TRPM7: variants seen among roughly 807,000 people sequenced by gnomAD.
TRPM7 encodes the protein LTRPC ion channel family member 7.
A neutral mutation model predicts 229.7 loss-of-function variants in TRPM7; 134 were observed. The ratio of observed to expected loss-of-function variants is 0.58; its 90% CI spans 0.51 to 0.67. The LOEUF (loss-of-function observed/expected upper bound fraction) is 0.67, where lower values mean the gene tolerates loss of function less well. Ranked by LOEUF, TRPM7 falls within the 30% of genes least tolerant of loss-of-function variation. TRPM7 has a pLI of 0.00. For missense variants in TRPM7, 1,901 were observed against 2,210.0 expected (o/e 0.86, Z 2.80); for synonymous variants, 699 against 715.2 (o/e 0.98, Z 0.36).
chr15:50,582,193 A>C (rs1191213518), intron 29 of TRPM7, among the ~76,000 whole-genome samples: 1 of 152,066 alleles, frequency 6.6e-6, no homozygotes, highest in Non-Finnish European at 1.5e-5. Flanking sequence ...TCCTGATCTC[A>C]AGTGATCCAC....
chr15:50,684,156 G>A (rs543807238), intron 1 of TRPM7, among the ~76,000 whole-genome samples: 3 of 142,862 alleles, frequency 2.1e-5, no homozygotes, highest in South Asian at 2.2e-4. Flanking sequence ...TGATTAAGTC[G>A]TTTTTTTTTT....
At chr15:50,582,941 G>C (rs2054492758) in intron 29 of TRPM7, 148 bp downstream of exon 29, 1 of 437,196 alleles carries the variant, frequency 2.3e-6, no homozygotes, top group Non-Finnish European at 4.0e-6. Flanking sequence ...AAACTTTTCT[G>C]TAACTGCTAC....
At chr15:50,585,089 C>G (rs1432567163) in intron 28 of TRPM7, among the ~76,000 whole-genome samples, 1 of 139,060 alleles carries the variant, frequency 7.2e-6, no homozygotes, top group African/African-American at 2.8e-5. Flanking sequence ...GAGTCTCGCT[C>G]TGTCGCCCAG....
Position 50,599,194 on chromosome 15 carries a change from T to C in TRPM7, c.3091A>G (p.Thr1031Ala), listed in dbSNP as rs755429393. The change falls in exon 22 of 39, where the codon ACT becomes GCT. Residue 1031 changes from threonine to alanine, a missense_variant. Thr to Ala is a moderately conservative substitution (Grantham distance 58, BLOSUM62 0). Transcript: ENST00000646667. The stretch of plus-strand genomic sequence containing the variant: ...TGAAAAACTATATCTTTAGCAAGAG[T>C]CCAAGATGGTGCTTCATGAGGATAA... ...ILYPHEAPSWTLAKDIVFHPY... is the reference protein window; with the variant it reads ...ILYPHEAPSWALAKDIVFHPY... 3 of 1,613,334 alleles carry C rather than the reference T, an allele frequency of 1.9e-6. No individual in the cohort carries two copies. The Admixed American group carries it at 5.0e-5, about 27-fold the overall frequency.
intron 1 of TRPM7, among the ~76,000 whole-genome samples, chr15:50,685,535 T>C (rs2062337960): frequency 6.6e-6 from 1 of 152,242 alleles, no homozygotes; most frequent in Non-Finnish European, 1.5e-5. Flanking sequence ...TACATTTGTG[T>C]TATAAGTAAA....
chr15:50,675,680 T>C (rs1363234141), intron 1 of TRPM7, among the ~76,000 whole-genome samples: 1 of 152,370 alleles, frequency 6.6e-6, no homozygotes, highest in Non-Finnish European at 1.5e-5. Context: ...CCTAGTTTTA[T>C]ACACTTTGCT....
Position 50,638,549 on chromosome 15 carries a change from C to CA in TRPM7, c.660+874dup, listed in dbSNP as rs71124397. Among the ~76,000 whole-genome samples, 573 of 143,578 alleles carry CA rather than the reference C, an allele frequency of 4.0e-3. 2 individuals carry two copies. Among genetic ancestry groups the CA allele is most frequent in the Non-Finnish European group, 6.4e-3 (419 of 65,550 alleles). 94.2% of individuals were successfully genotyped at this position (143,578 alleles called of 152,430 possible). Reference sequence around the variant, plus strand: ...GGGCGACAAGAGTGAAACTCCATTTCAAAAAAAAAAGACACTGTAAAAAAC... The same window carrying CA: ...GGGCGACAAGAGTGAAACTCCATTTCAAAAAAAAAAAGACACTGTAAAAAAC... On this transcript the variant is annotated intron_variant, in intron 6 of 38. Coordinates refer to ENST00000646667, the MANE Select transcript of TRPM7 (RefSeq NM_017672.6).
In TRPM7 at chr15:50,634,518, CAA is replaced by C. The variant is rs2060831434; in HGVS notation, c.869_870del (p.Phe290Ter). 1 of 1,535,494 alleles carries C rather than the reference CAA, an allele frequency of 6.5e-7. No individual in the cohort carries two copies. Among genetic ancestry groups the C allele is most frequent in the African/African-American group, 1.4e-5 (1 of 70,178 alleles). On this transcript the variant is annotated frameshift_variant, in exon 8 of 39. Transcript: ENST00000646667. LOFTEE classifies it high-confidence loss of function. Reference sequence around the variant, plus strand: ...GTGAGGATAACATTTGGCCCACCCTCAAATATAAGTGCCACCACAGGGACACC... The same window carrying C: ...GTGAGGATAACATTTGGCCCACCCTCATATAAGTGCCACCACAGGGACACC... ...GQGVPVVALI[F>X]EGGPNVILTV...
intron 31 of TRPM7, among the ~76,000 whole-genome samples, chr15:50,577,623 A>T (rs2054198549): frequency 6.6e-6 from 1 of 152,182 alleles, no homozygotes; most frequent in South Asian, 2.1e-4. Context: ...GGGACCCCAA[A>T]CTGGTATAAC....
chr15:50,619,793 T>C lies in TRPM7; in HGVS notation c.1446A>G (p.Gln482=). Residue 482 remains glutamine, a synonymous_variant, in exon 13 of 39, where the codon CAA becomes CAG. Coordinates refer to ENST00000646667, the MANE Select transcript of TRPM7 (RefSeq NM_017672.6). ...GAAACAGCATTGGATTAGTTGGACC[T>C]TGTTTCTTTAGGGAGAAAAAGTTAC... ...PRLEELYNTK[Q]GPTNPMLFHL... The C allele has an allele frequency of 6.2e-7, 1 of 1,602,384 alleles. No individual in the cohort carries two copies. The highest frequency in any genetic ancestry group is 8.5e-7 in the Non-Finnish European group (1 of 1,176,800).
At chr15:50,656,760 T>C (rs982947993) in intron 3 of TRPM7, among the ~76,000 whole-genome samples, 3 of 152,160 alleles carry the variant, frequency 2.0e-5, no homozygotes, top group African/African-American at 7.2e-5. Flanking sequence ...TTCTTCCTCT[T>C]ATACTTCCTC....
chr15:50,652,265 G>T (rs965434246), intron 3 of TRPM7, among the ~76,000 whole-genome samples: 1 of 147,832 alleles, frequency 6.8e-6, no homozygotes, highest in South Asian at 2.2e-4. Context: ...CCTGGGAGGC[G>T]GAGATTGCAG....
Position 50,686,537 on chromosome 15 carries a change from C to T in TRPM7, c.-4G>A. 6.2e-7 allele frequency: 1 copy of T among 1,611,306 alleles called. No individual in the cohort carries two copies. Among genetic ancestry groups the T allele is most frequent in the Non-Finnish European group, 8.5e-7 (1 of 1,178,466 alleles). On this transcript the variant is annotated 5_prime_UTR_variant, in exon 1 of 39. Coordinates refer to ENST00000646667, the MANE Select transcript of TRPM7 (RefSeq NM_017672.6). Reference sequence around the variant, plus strand: ...GCCTGCGTGGGTCCAGTACCATTCTCCTCACGGGGCGGACTCCGGAAGGGC... The same window carrying T: ...GCCTGCGTGGGTCCAGTACCATTCTTCTCACGGGGCGGACTCCGGAAGGGC...
At position 50,592,395 on chromosome 15, in the gene TRPM7, A is replaced by G. The variant is rs145901516; in HGVS notation, c.3840T>C (p.Asp1280=). The stretch of plus-strand genomic sequence containing the variant: ...ATACAGAAGGTCTTACAGGACCATC[A>G]TCAATAAGGTTTTGAGCCAAGTGTT... The part of the protein sequence containing the change: ...ISKHLAQNLI[D]DGPVRPSVWK... The change falls in exon 26 of 39, where the codon GAT becomes GAC. Residue 1280 remains aspartate, a synonymous_variant. Transcript: ENST00000646667. The G allele has an allele frequency of 2.5e-6, 4 of 1,614,236 alleles. No homozygotes were observed. In the African/African-American group the frequency reaches 4.0e-5, roughly 16 times the overall value.
intron 21 of TRPM7, among the ~76,000 whole-genome samples, chr15:50,600,270 CT>C (rs1229116081): frequency 2.0e-5 from 3 of 151,986 alleles, no homozygotes; most frequent in Non-Finnish European, 4.4e-5. Context: ...AACCCTGTGT[CT>C]ACTAAAAATA....
intron 11 of TRPM7, among the ~76,000 whole-genome samples, chr15:50,626,750 CTAAA>C (rs1345474300): frequency 4.0e-5 from 6 of 151,486 alleles, no homozygotes; most frequent in Non-Finnish European, 7.4e-5. Flanking sequence ...GGAGAAGTGA[CTAAA>C]TAAACTCTTT....
chr15:50,641,091 C>T (rs547663710), intron 5 of TRPM7, among the ~76,000 whole-genome samples: 8 of 152,278 alleles, frequency 5.3e-5, no homozygotes, highest in East Asian at 1.9e-4. Flanking sequence ...ATAGCATCTT[C>T]GTAGGTCTTT....
chr15:50,651,287 C>T (rs1596307659), intron 3 of TRPM7, among the ~76,000 whole-genome samples: 3 of 152,232 alleles, frequency 2.0e-5, no homozygotes, highest in Non-Finnish European at 2.9e-5. Context: ...CAGAAAAGAA[C>T]GAGATGATGG....
chr15:50,646,168 G>A (rs566888325), intron 4 of TRPM7, among the ~76,000 whole-genome samples: 10 of 152,034 alleles, frequency 6.6e-5, no homozygotes, highest in South Asian at 4.2e-4. Context: ...TTGTAGGATC[G>A]GGATCCAGGA....
Sources: allele counts gnomAD v4.1 joint callset (sites outside exome capture counted in the v4.1 genomes callset), GRCh38; gene constraint gnomAD v4.1.1; transcripts MANE v1.5; gene names NCBI Gene and HGNC (gene_info 2026-07-23, HGNC 2026-07-21).